Variants in MCM9 observed in about 807,000 individuals in gnomAD.
The protein encoded by MCM9 is minichromosome maintenance 9 homologous recombination repair factor.
Under a neutral mutation model 72.8 loss-of-function variants are expected in MCM9, and 55 were observed. The observed-to-expected ratio is 0.76, with a 90% CI of 0.61 to 0.95. The LOEUF is 0.95. Among genes scored for constraint, MCM9 ranks in the 40% least tolerant of loss-of-function variants. MCM9 has a pLI of 0.00. For synonymous variants in MCM9, 480 were observed against 503.4 expected, an observed-to-expected ratio of 0.95 and a Z score of 0.62; for missense variants, 1,279 against 1,377.0, an observed-to-expected ratio of 0.93 and a Z score of 1.13.
At chr6:118,905,858 C>T (rs1562432482) in intron 8 of MCM9, 1 of 1,492,604 alleles carries the variant, frequency 6.7e-7, no homozygotes, top group Admixed American at 2.1e-5. Context: ...TTTTTAACTA[C>T]TTTTACTATG....
chr6:118,900,740 A>C, intron 8 of MCM9: 1 of 1,465,428 alleles, frequency 6.8e-7, no homozygotes, highest in Non-Finnish European at 9.6e-7. Context: ...TGAATATGAA[A>C]TAATGCTTTG....
At chr6:118,862,057 G>A (rs929086261) in intron 8 of MCM9, among the ~76,000 whole-genome samples, 3 of 152,222 alleles carry the variant, frequency 2.0e-5, no homozygotes, top group African/African-American at 7.2e-5. Context: ...TGGCACCCCT[G>A]GCCAGGTCAC....
At chr6:118,852,112 G>A (rs574684039) in intron 9 of MCM9, among the ~76,000 whole-genome samples, 8 of 152,278 alleles carry the variant, frequency 5.3e-5, no homozygotes, top group East Asian at 1.9e-4. Flanking sequence ...TACACAGCAC[G>A]TTACTGTACT....
intron 8 of MCM9, among the ~76,000 whole-genome samples, chr6:118,894,678 C>A (rs900922553): frequency 3.9e-5 from 6 of 152,172 alleles, no homozygotes; most frequent in Admixed American, 3.9e-4. Context: ...CGACGGCCGC[C>A]GAGGCGCGCG....
chr6:118,840,748 T>C (rs1035522385), intron 9 of MCM9, among the ~76,000 whole-genome samples: 2 of 141,204 alleles, frequency 1.4e-5, no homozygotes, highest in Non-Finnish European at 3.1e-5. Flanking sequence ...CCCCCTTTTT[T>C]TTTTTTTGAG....
intron 8 of MCM9, among the ~76,000 whole-genome samples, chr6:118,879,481 C>T (rs1247496680): frequency 1.3e-5 from 2 of 151,244 alleles, no homozygotes; most frequent in East Asian, 2.0e-4. Flanking sequence ...TGTTAGACAA[C>T]TTCTAGAGGA....
chr6:118,824,070 T>A (rs537674282), intron 13 of MCM9, among the ~76,000 whole-genome samples: 2,074 of 85,278 alleles, frequency 0.024, 97 homozygotes, highest in African/African-American at 0.086. Flanking sequence ...TTTTTTTTTT[T>A]AGACAGAGTC....
At chr6:118,882,021 G>A (rs1469124557) in intron 8 of MCM9, among the ~76,000 whole-genome samples, 1 of 152,138 alleles carries the variant, frequency 6.6e-6, no homozygotes, top group Non-Finnish European at 1.5e-5. Flanking sequence ...CACGTGTGAG[G>A]TACAGAAGCT....
At chr6:118,927,084 C>A (rs1781959354) in intron 3 of MCM9, among the ~76,000 whole-genome samples, 2 of 152,154 alleles carry the variant, frequency 1.3e-5, no homozygotes, top group Admixed American at 6.5e-5. Context: ...TCTTCCTTGG[C>A]CCTAAAGAAA....
At chr6:118,826,977 A>C (rs1013714508) in intron 11 of MCM9, 113 bp from the exon 12 acceptor site, 2 of 800,084 alleles carry the variant, frequency 2.5e-6, no homozygotes, top group African/African-American at 3.5e-5. Context: ...TAATAACAAC[A>C]TAATTTTACT....
intron 8 of MCM9, among the ~76,000 whole-genome samples, chr6:118,886,319 G>A (rs535655025): frequency 2.6e-4 from 40 of 151,852 alleles, no homozygotes; most frequent in Admixed American, 3.9e-4. Context: ...TGTACTGCAG[G>A]TTATAGACAG....
chr6:118,840,217 A>T (rs1010908884), intron 9 of MCM9, among the ~76,000 whole-genome samples: 10 of 148,140 alleles, frequency 6.8e-5, no homozygotes, highest in African/African-American at 2.5e-4. Flanking sequence ...GCTGTTCTGG[A>T]GTGAATGTTT....
At chr6:118,926,421 G>T (rs1781898187) in intron 3 of MCM9, among the ~76,000 whole-genome samples, 1 of 152,166 alleles carries the variant, frequency 6.6e-6, no homozygotes, top group South Asian at 2.1e-4. Flanking sequence ...CACTAAAAGT[G>T]ACAAACAGAA....
intron 8 of MCM9, among the ~76,000 whole-genome samples, chr6:118,869,573 G>A (rs1364757224): frequency 4.8e-5 from 1 of 20,848 alleles, no homozygotes; most frequent in Non-Finnish European, 1.2e-4. Flanking sequence ...AAGAAGGCAA[G>A]AGAGGAAAAA....
At chr6:118,890,337 T>C (rs1238832478) in intron 8 of MCM9, among the ~76,000 whole-genome samples, 1 of 152,110 alleles carries the variant, frequency 6.6e-6, no homozygotes, top group Non-Finnish European at 1.5e-5. Context: ...GAGGAATGGG[T>C]TTCTGAGCAG....
intron 9 of MCM9, among the ~76,000 whole-genome samples, chr6:118,842,884 T>C (rs1280954160): frequency 6.6e-6 from 1 of 152,148 alleles, no homozygotes; most frequent in South Asian, 2.1e-4. Context: ...TTCTATTTCA[T>C]TAAGCAGCCA....
chr6:118,870,356 A>T (rs972993857), intron 8 of MCM9, among the ~76,000 whole-genome samples: 6 of 152,214 alleles, frequency 3.9e-5, no homozygotes, highest in Non-Finnish European at 7.3e-5. Flanking sequence ...ACCATGGAAA[A>T]TTAACACAGT....
intron 8 of MCM9, among the ~76,000 whole-genome samples, chr6:118,909,842 C>A (rs997035765): frequency 6.6e-6 from 1 of 152,130 alleles, no homozygotes. Context: ...TAGGGCCGGG[C>A]GCAGTGGCTC....
rs1773262204 is a variant in MCM9 at position 118,813,996 on chromosome 6, C to T, written c.*828G>A. On this transcript the variant is annotated 3_prime_UTR_variant, in exon 14 of 14. Transcript: ENST00000619706. ...GTAACCCCGAACTCCTGGGCTTAAG[C>T]AATCATCCTGCCTCAGCCTCCCCGA... The T allele has an allele frequency of 6.6e-6, 1 of 152,238 alleles. No individual in the cohort carries two copies. The highest frequency in any genetic ancestry group is 2.1e-4 in the South Asian group (1 of 4,832). 9.4% of individuals were successfully genotyped at this position (152,238 alleles called of 1,614,324 possible). A position where few individuals can be genotyped will look rare whatever the true frequency, so the allele number is the denominator to read the frequency against.
Sources: allele counts gnomAD v4.1 joint callset (sites outside exome capture counted in the v4.1 genomes callset), GRCh38; gene constraint gnomAD v4.1.1; transcripts MANE v1.5; gene names NCBI Gene and HGNC (gene_info 2026-07-23, HGNC 2026-07-21).